Variants in MAP7D1 observed in about 807,000 individuals in gnomAD.
The protein encoded by MAP7D1 is MAP7 domain containing 1.
MAP7D1 carries 30 observed loss-of-function variants against 97.5 expected under a neutral mutation model. That is an observed-to-expected ratio of 0.31 (90% CI 0.23 to 0.42). The LOEUF (loss-of-function observed/expected upper bound fraction) is 0.42, where lower values mean the gene tolerates loss of function less well. MAP7D1 is among the 10% of genes least tolerant of loss of function. The pLI is 1.00. For synonymous variants in MAP7D1, 536 were observed against 477.1 expected, an observed-to-expected ratio of 1.12 and a Z score of -1.61; for missense variants, 1,184 against 1,179.5, an observed-to-expected ratio of 1.00 and a Z score of -0.06.
chr1:36,178,322 T>G (rs1644660853), intron 9 of MAP7D1, 97 bp from the exon 10 acceptor site: 2 of 1,480,004 alleles, frequency 1.4e-6, no homozygotes, highest in Non-Finnish European at 9.0e-7. Context: ...AGGAGACTCC[T>G]GCCCTCAGCA....
At chr1:36,160,558 C>T (rs1033911075) in intron 1 of MAP7D1, among the ~76,000 whole-genome samples, 3 of 152,214 alleles carry the variant, frequency 2.0e-5, no homozygotes, top group Admixed American at 6.5e-5. Flanking sequence ...AGCATTATCC[C>T]CATTTTACAG....
rs1644681414 is a variant in MAP7D1 at position 36,179,311 on chromosome 1, C to A, written c.2180C>A (p.Thr727Asn). The A allele has an allele frequency of 1.2e-6, 2 of 1,613,956 alleles. No individual in the cohort carries two copies. Among genetic ancestry groups the A allele is most frequent in the Non-Finnish European group, 1.7e-6 (2 of 1,179,952 alleles). ...ACTCGGAAGTCAGAAGTTTCTGAAA[C>A]CAAGGTCAGAATTCCCCCGAAGGGC... The part of the protein sequence containing the change: ...KRTRKSEVSE[T>N]KKQDSKEANA... Residue 727 changes from threonine (T) to asparagine (N), a missense_variant, in exon 13 of 17, where the codon ACC becomes AAC. Coordinates refer to ENST00000474796, the MANE Select transcript of MAP7D1 (RefSeq NM_001388490.1).
In MAP7D1 at chr1:36,178,559, G is replaced by T; in HGVS notation, c.1849G>T (p.Glu617Ter). The T allele has an allele frequency of 6.3e-7, 1 of 1,594,246 alleles. No individual in the cohort carries two copies. ...RRQAREQRER[E>*]EQERRLQAER... ...CCAGGCCCGGGAGCAGCGGGAGCGC[G>T]AGGAGCAGGAGCGGAGGCTGCAGGC... Residue 617 changes from glutamate to a stop codon, truncating the protein, a stop_gained, in exon 10 of 17, where the codon GAG becomes TAG. Transcript: ENST00000474796. LOFTEE classifies it high-confidence loss of function.
intron 1 of MAP7D1, among the ~76,000 whole-genome samples, chr1:36,164,043 C>T (rs896863209): frequency 1.3e-5 from 2 of 151,954 alleles, no homozygotes; most frequent in African/African-American, 4.8e-5. Context: ...AGGCTGCTCC[C>T]GAACTCCTGG....
chr1:36,176,762 G>A lies in MAP7D1; in HGVS notation c.1299G>A (p.Arg433=). Reference sequence around the variant, plus strand: ...AGAAGGAGAAGAGTGCCCTAGCCCGGGAGCGCAGCCTCAAGAAGCGCCAGT... The same window carrying A: ...AGAAGGAGAAGAGTGCCCTAGCCCGAGAGCGCAGCCTCAAGAAGCGCCAGT... ...ENEKEKSALA[R]ERSLKKRQSL... is the part of the protein sequence containing the mutation. Residue 433 remains arginine, a synonymous_variant, in exon 8 of 17, where the codon CGG becomes CGA. Coordinates refer to ENST00000474796, the MANE Select transcript of MAP7D1 (RefSeq NM_001388490.1). The surrounding 1 kb of genome is among the most constrained non-coding windows in gnomAD (Gnocchi z 6.1). 1 of 1,603,764 alleles carries A rather than the reference G, an allele frequency of 6.2e-7. No individual in the cohort carries two copies. Among genetic ancestry groups the A allele is most frequent in the South Asian group, 1.1e-5 (1 of 89,226 alleles).
chr1:36,170,844 G>A (rs935363278), intron 1 of MAP7D1, 127 bp from the exon 2 acceptor site: 14 of 640,256 alleles, frequency 2.2e-5, no homozygotes, highest in Non-Finnish European at 4.0e-5. Context: ...AACAGGGCCC[G>A]GCACATAGAA....
intron 1 of MAP7D1, 70 bp from the exon 2 acceptor site, chr1:36,170,901 G>A (rs1644532026): frequency 7.3e-6 from 5 of 683,276 alleles, no homozygotes; most frequent in Non-Finnish European, 1.1e-5. Flanking sequence ...ACAAGGGAGA[G>A]GGCCACATAT....
chr1:36,173,309 A>C, intron 4 of MAP7D1, 55 bp from the exon 5 acceptor site: 1 of 1,408,268 alleles, frequency 7.1e-7, no homozygotes, highest in Non-Finnish European at 9.9e-7. Flanking sequence ...CCTCTATCCC[A>C]AATTCGATGA....
chr1:36,165,592 A>T (rs974440034), intron 1 of MAP7D1, among the ~76,000 whole-genome samples: 6 of 151,406 alleles, frequency 4.0e-5, no homozygotes, highest in Admixed American at 2.6e-4. Context: ...ATTTAAAAAA[A>T]TTTTTTTAGA....
intron 1 of MAP7D1, among the ~76,000 whole-genome samples, chr1:36,162,367 G>T (rs999547255): frequency 1.2e-4 from 18 of 152,208 alleles, no homozygotes; most frequent in African/African-American, 3.6e-4. Flanking sequence ...TTTTGTGGGG[G>T]AAGTCTCCCT....
rs905194082 is a variant in MAP7D1 at position 36,156,364 on chromosome 1, GGCC to G, written c.-36_-34del. On this transcript the variant is annotated 5_prime_UTR_variant, in exon 1 of 17. Coordinates refer to ENST00000474796, the MANE Select transcript of MAP7D1 (RefSeq NM_001388490.1). Reference sequence around the variant, plus strand: ...CCGCGGGACCCCTGTCCTGGCCACTGGCCGCCGCCGCCGCCGCCGCTGAGACCC... The same window carrying G: ...CCGCGGGACCCCTGTCCTGGCCACTGGCCGCCGCCGCCGCCGCTGAGACCC... The G allele has an allele frequency of 1.1e-3, 1,591 of 1,424,242 alleles. No homozygotes were observed. Among genetic ancestry groups the G allele is most frequent in the Admixed American group, 2.2e-3 (90 of 41,744 alleles). The allele number at this position is 1,424,242 out of a possible 1,614,324, so 88.2% of individuals were successfully genotyped here.
At chr1:36,177,656 C>T (rs905048879) in intron 8 of MAP7D1, 56 of 785,460 alleles carry the variant, frequency 7.1e-5, no homozygotes, top group African/African-American at 7.0e-4. Context: ...AGGCTATTGG[C>T]GGGGGACATA....
intron 1 of MAP7D1, among the ~76,000 whole-genome samples, chr1:36,169,271 C>G (rs1219409942): frequency 6.8e-6 from 1 of 146,522 alleles, no homozygotes; most frequent in Non-Finnish European, 1.5e-5. Context: ...AAAAAAAGGC[C>G]GGGCGCGGTG....
intron 1 of MAP7D1, among the ~76,000 whole-genome samples, chr1:36,160,415 G>A (rs765895065): frequency 1.3e-5 from 2 of 152,238 alleles, no homozygotes; most frequent in Admixed American, 6.5e-5. Context: ...GGTGAACCAA[G>A]TTATTTCCCA....
At chr1:36,179,097 T>C (rs1357866977) in intron 12 of MAP7D1, 72 bp downstream of exon 12, 1 of 1,516,016 alleles carries the variant, frequency 6.6e-7, no homozygotes, top group East Asian at 2.5e-5. Flanking sequence ...GGCCTGGGCT[T>C]AGAGCGGACA....
At position 36,179,030 on chromosome 1, in the gene MAP7D1, G is replaced by C. The variant is rs1162513986; in HGVS notation, c.2130+5G>C. ...GAGCGGCAAGAGCGCAGAAAGGTGT[G>C]CGGACCTGGGCGGGGATTTGTGGGC... On this transcript the variant is annotated splice_donor_5th_base_variant and intron_variant, in intron 12 of 16. Transcript: ENST00000474796. 1 of 1,551,014 alleles carries C rather than the reference G, an allele frequency of 6.4e-7. No individual in the cohort carries two copies. Among genetic ancestry groups the C allele is most frequent in the Non-Finnish European group, 8.7e-7 (1 of 1,147,424 alleles).
chr1:36,178,084 C>CGCAGGGCCA lies in MAP7D1; in HGVS notation c.1593_1601dup (p.Arg532_Ser534dup). On this transcript the variant is annotated inframe_insertion, in exon 9 of 17. Coordinates refer to ENST00000474796, the MANE Select transcript of MAP7D1 (RefSeq NM_001388490.1). Reference sequence around the variant, plus strand: ...GCCCGAGGACAAGAGCCAGAGCAAGCGCAGGGCCAGTAACGAGAAGGAGTC... The same window carrying CGCAGGGCCA: ...GCCCGAGGACAAGAGCCAGAGCAAGCGCAGGGCCAGCAGGGCCAGTAACGAGAAGGAGTC... The CGCAGGGCCA allele has an allele frequency of 6.2e-7, 1 of 1,607,246 alleles. No individual in the cohort carries two copies. Among genetic ancestry groups the CGCAGGGCCA allele is most frequent in the Non-Finnish European group, 8.5e-7 (1 of 1,177,260 alleles).
chr1:36,179,060 C>T (rs1213971246), intron 12 of MAP7D1, 35 bp downstream of exon 12: 16 of 1,532,320 alleles, frequency 1.0e-5, no homozygotes, highest in Non-Finnish European at 1.4e-5. Context: ...GTGGGCGGGG[C>T]CTGGGCAGGG....
chr1:36,177,781 T>TA, intron 8 of MAP7D1, 92 bp from the exon 9 acceptor site: 1 of 1,180,968 alleles, frequency 8.5e-7, no homozygotes, highest in Non-Finnish European at 1.1e-6. Context: ...TGATGTAGCC[T>TA]GGGGGAGGGG....
Sources: gnomAD v4.1 joint callset for allele counts (sites outside exome capture counted in the v4.1 genomes callset) on GRCh38, gnomAD v4.1.1 for gene constraint, Gnocchi (gnomAD v3.1) non-coding constraint, MANE v1.5 for transcripts, NCBI Gene and HGNC (gene_info 2026-07-23, HGNC 2026-07-21) for gene names.